The following SYN3 variants were observed in gnomAD, a reference collection of about 807,000 sequenced individuals.
The protein encoded by SYN3 is synapsin-3.
A neutral mutation model predicts 65.8 loss-of-function variants in SYN3; 35 were observed. The observed-to-expected ratio is 0.53, with a 90% confidence interval of 0.41 to 0.70. The LOEUF is 0.70. SYN3 is among the 30% of genes least tolerant of loss of function. The pLI, the probability that SYN3 is intolerant of heterozygous loss-of-function variation, is 0.00. For missense variants in SYN3, 680 were observed against 749.0 expected, an observed-to-expected ratio of 0.91 and a Z score of 1.08; for synonymous variants, 270 against 292.9, an observed-to-expected ratio of 0.92 and a Z score of 0.80.
chr22:32,689,669 C>T (rs1390971297), intron 6 of SYN3, among the ~76,000 whole-genome samples: 2 of 152,072 alleles, frequency 1.3e-5, no homozygotes, highest in Non-Finnish European at 2.9e-5. Context: ...AGACTAGAGC[C>T]CAGAGACCGT....
At chr22:32,950,011 T>C (rs1178986371) in intron 3 of SYN3, among the ~76,000 whole-genome samples, 1 of 152,160 alleles carries the variant, frequency 6.6e-6, no homozygotes, top group Admixed American at 6.5e-5. Flanking sequence ...TAGATTTGTC[T>C]GGAATCCCAG....
At position 32,797,787 on chromosome 22, in the gene SYN3, T is replaced by C. The variant is rs1458566460; in HGVS notation, c.711+67128A>G. ...TTCCCATGTGTCAAACCTGTTTAAA[T>C]GGCAGGACCCATCTCCCCTTCAGAA... On this transcript the variant is annotated intron_variant, in intron 6 of 13. Coordinates refer to ENST00000358763, the MANE Select transcript of SYN3 (RefSeq NM_003490.4). Among the ~76,000 whole-genome samples the C allele has an allele frequency of 2.6e-5, 4 of 152,198 alleles. No individual in the cohort carries two copies. The East Asian group carries it at 5.8e-4, about 22-fold the overall frequency.
intron 1 of SYN3, among the ~76,000 whole-genome samples, chr22:33,044,336 A>G (rs2054020165): frequency 1.3e-5 from 2 of 152,198 alleles, no homozygotes; most frequent in African/African-American, 4.8e-5. Flanking sequence ...CTTTGACAGC[A>G]CAACAGACAT....
At chr22:32,938,294 C>T (rs778931908) in intron 3 of SYN3, among the ~76,000 whole-genome samples, 37 of 151,986 alleles carry the variant, frequency 2.4e-4, no homozygotes, top group African/African-American at 8.4e-4. Flanking sequence ...TTTGGGAGGC[C>T]GAGGCGGGTG....
chr22:32,556,355 C>T (rs1444748428), intron 7 of SYN3, among the ~76,000 whole-genome samples: 3 of 152,172 alleles, frequency 2.0e-5, no homozygotes, highest in Admixed American at 6.5e-5. Context: ...TCCTCTCCCA[C>T]GTGATTTTCA....
intron 6 of SYN3, among the ~76,000 whole-genome samples, chr22:32,729,579 G>GA: frequency 6.6e-6 from 1 of 152,358 alleles, no homozygotes; most frequent in South Asian, 2.1e-4. Context: ...TAAGAGTACT[G>GA]ATGTTTGTAC....
rs555387505 is a variant in SYN3, at chr22:32,967,878, G to T, written c.369+12767C>A. ...AATGGTACAGACAACAGCAGAGCTG[G>T]CAGAAAATGTAGAGTAGCCACACAA... On this transcript the variant is annotated intron_variant, in intron 3 of 13. Coordinates refer to ENST00000358763, the MANE Select transcript of SYN3 (RefSeq NM_003490.4). 2.0e-5 allele frequency among the ~76,000 whole-genome samples: 3 copies of T among 152,348 alleles called. No individual in the cohort carries two copies. The South Asian group carries it at 6.2e-4, about 32-fold the overall frequency.
chr22:32,667,444 T>C (rs2147044439), intron 6 of SYN3, among the ~76,000 whole-genome samples: 1 of 152,322 alleles, frequency 6.6e-6, no homozygotes, highest in East Asian at 1.9e-4. Flanking sequence ...TGGAGTAGCC[T>C]ATAGTACTAA....
chr22:32,904,938 G>A (rs916454645), intron 4 of SYN3, among the ~76,000 whole-genome samples: 20 of 152,086 alleles, frequency 1.3e-4, no homozygotes, highest in Non-Finnish European at 5.9e-5. Context: ...ATTATATACC[G>A]TCCCTCAGAG....
intron 6 of SYN3, among the ~76,000 whole-genome samples, chr22:32,741,424 C>G (rs1261901776): frequency 7.0e-6 from 1 of 141,944 alleles, no homozygotes; most frequent in African/African-American, 2.6e-5. Flanking sequence ...GGCGTGATCT[C>G]AGCTCACTGC....
At chr22:32,870,668 C>CTGTAGTTTTTGAAAAATA (rs2048825517) in intron 4 of SYN3, among the ~76,000 whole-genome samples, 1 of 152,196 alleles carries the variant, frequency 6.6e-6, no homozygotes, top group Non-Finnish European at 1.5e-5. Context: ...TACAGCCTCA[C>CTGTAGTTTTTGAAAAATA]CAGCACTGCA....
At chr22:32,616,632 G>A (rs1229708308) in intron 6 of SYN3, among the ~76,000 whole-genome samples, 1 of 150,542 alleles carries the variant, frequency 6.6e-6, no homozygotes, top group African/African-American at 2.4e-5. Context: ...GGACCAGATC[G>A]CCTCTCTGGG....
At chr22:32,698,175 T>A (rs964261761) in intron 6 of SYN3, among the ~76,000 whole-genome samples, 2 of 152,156 alleles carry the variant, frequency 1.3e-5, no homozygotes, top group Admixed American at 6.5e-5. Flanking sequence ...GGCTTCAAGT[T>A]CTGAAGTATA....
intron 6 of SYN3, among the ~76,000 whole-genome samples, chr22:32,680,739 C>T (rs2060511666): frequency 6.6e-6 from 1 of 152,170 alleles, no homozygotes; most frequent in African/African-American, 2.4e-5. Context: ...CATTCATTAT[C>T]CTCTCTTTTA....
chr22:32,672,748 G>A (rs2060388468), intron 6 of SYN3, among the ~76,000 whole-genome samples: 2 of 152,256 alleles, frequency 1.3e-5, no homozygotes, highest in African/African-American at 4.8e-5. Flanking sequence ...GAGGCGGCCA[G>A]CTGGGGTGGT....
Position 32,705,783 on chromosome 22 carries a change from C to T in SYN3, c.712-109047G>A, listed in dbSNP as rs569383704. Among the ~76,000 whole-genome samples, 37 of 152,248 alleles carry T rather than the reference C, an allele frequency of 2.4e-4. 1 individual carries two copies. In the East Asian group the frequency reaches 6.4e-3, roughly 26 times the overall value. Reference sequence around the variant, plus strand: ...AGAGATCTGTCACCTCCCTGGTTAGCTGTATTCCTAGGTATTTTATTCACT... The same window carrying T: ...AGAGATCTGTCACCTCCCTGGTTAGTTGTATTCCTAGGTATTTTATTCACT... On this transcript the variant is annotated intron_variant, in intron 6 of 13. Coordinates refer to ENST00000358763, the MANE Select transcript of SYN3 (RefSeq NM_003490.4).
intron 4 of SYN3, among the ~76,000 whole-genome samples, chr22:32,898,154 T>C (rs2049650630): frequency 6.6e-6 from 1 of 152,130 alleles, no homozygotes. Context: ...CGTCACCACA[T>C]CCGGCTAATT....
chr22:32,529,198 C>T (rs1439257602), intron 10 of SYN3, 190 bp from the exon 11 acceptor site: 1 of 634,654 alleles, frequency 1.6e-6, no homozygotes, highest in Non-Finnish European at 2.7e-6. Context: ...CAGTCTAAAC[C>T]ACTCCCTGGA....
chr22:32,581,945 G>A (rs531700854), intron 7 of SYN3, among the ~76,000 whole-genome samples: 10 of 150,940 alleles, frequency 6.6e-5, no homozygotes, highest in African/African-American at 1.9e-4. Context: ...GACTACAGGC[G>A]TGCACCACCA....
Sources: allele counts gnomAD v4.1 joint callset (sites outside exome capture counted in the v4.1 genomes callset), GRCh38; gene constraint gnomAD v4.1.1; transcripts MANE v1.5; gene names NCBI Gene and HGNC (gene_info 2026-07-23, HGNC 2026-07-21).